Variants in MYO3B observed in about 807,000 individuals in gnomAD.
The protein encoded by MYO3B is myosin-IIIb.
MYO3B carries 156 observed loss-of-function variants against 174.6 expected under a neutral mutation model. The ratio of observed to expected loss-of-function variants is 0.89; its 90% confidence interval spans 0.78 to 1.02. The LOEUF (loss-of-function observed/expected upper bound fraction) is 1.02, where lower values mean the gene tolerates loss of function less well. Ranked by LOEUF, MYO3B falls within the 50% of genes least tolerant of loss-of-function variation. MYO3B has a pLI of 0.00. For missense variants in MYO3B, 1,632 were observed against 1,639.4 expected, an observed-to-expected ratio of 1.00 and a Z score of 0.08; for synonymous variants, 563 against 569.1, an observed-to-expected ratio of 0.99 and a Z score of 0.15.
chr2:170,507,691 C>T (rs1044960536), intron 28 of MYO3B, among the ~76,000 whole-genome samples: 1 of 152,140 alleles, frequency 6.6e-6, no homozygotes. Context: ...CTGTGCCTGG[C>T]CTGGGGCTGA....
At chr2:170,537,712 G>A (rs1689813150) in intron 30 of MYO3B, among the ~76,000 whole-genome samples, 1 of 152,004 alleles carries the variant, frequency 6.6e-6, no homozygotes, top group Admixed American at 6.5e-5. Context: ...CTCCCAAAGT[G>A]TTGGGATTAC....
intron 1 of MYO3B, among the ~76,000 whole-genome samples, chr2:170,186,656 T>C (rs965420009): frequency 1.3e-5 from 2 of 152,220 alleles, no homozygotes; most frequent in African/African-American, 2.4e-5. Flanking sequence ...TTGAAAGTAT[T>C]CCCTCCTCCT....
rs1305960044 is a variant in MYO3B, at chr2:170,289,993, T to C, written c.750-45392T>C. On this transcript the variant is annotated intron_variant, in intron 7 of 34. Transcript: ENST00000408978. ...AACACATTGTTTAATTTGTATGTGTTTGTGTGTTTTCCAAAGTTCCTCCTG... is the reference window on the plus strand; with the variant it reads ...AACACATTGTTTAATTTGTATGTGTCTGTGTGTTTTCCAAAGTTCCTCCTG... Among the ~76,000 whole-genome samples, 9 of 152,254 alleles carry C rather than the reference T, an allele frequency of 5.9e-5. No homozygotes were observed. In the South Asian group the frequency reaches 1.5e-3, roughly 25 times the overall value.
rs543327659 is a variant in MYO3B at position 170,506,658 on chromosome 2, A to G, written c.3370+4793A>G. Among the ~76,000 whole-genome samples the G allele has an allele frequency of 2.6e-5, 4 of 152,344 alleles. No individual in the cohort carries two copies. In the South Asian group the frequency reaches 8.3e-4, roughly 32 times the overall value. The stretch of plus-strand genomic sequence containing the variant: ...AAATCAAGTACTCTGTATTTTGCCA[A>G]CGCTCTTTGGAATGGAGCTCTGTAA... On this transcript the variant is annotated intron_variant, in intron 28 of 34. Coordinates refer to ENST00000408978, the MANE Select transcript of MYO3B (RefSeq NM_138995.5).
At chr2:170,200,083 A>G in intron 2 of MYO3B, 67 bp from the exon 3 acceptor site, 1 of 1,471,924 alleles carries the variant, frequency 6.8e-7, no homozygotes, top group Non-Finnish European at 9.2e-7. Flanking sequence ...CTTGAGCATG[A>G]TGTCATATCT....
At chr2:170,306,349 G>A (rs1223858197) in intron 7 of MYO3B, among the ~76,000 whole-genome samples, 6 of 152,204 alleles carry the variant, frequency 3.9e-5, no homozygotes, top group Non-Finnish European at 8.8e-5. Flanking sequence ...CTCTTAATGG[G>A]AAAAGTGTCA....
chr2:170,356,017 G>A lies in MYO3B; in HGVS notation c.816-13205G>A, dbSNP rs535900281. On this transcript the variant is annotated intron_variant, in intron 8 of 34. Coordinates refer to ENST00000408978, the MANE Select transcript of MYO3B (RefSeq NM_138995.5). ...CGCTGTGTCGCCCAGGTGGAGTGCA[G>A]TGGCGTGATCTCGGCTCACTGCAAG... Among the ~76,000 whole-genome samples the A allele has an allele frequency of 4.3e-4, 65 of 152,144 alleles. 1 individual carries two copies. The highest frequency in any genetic ancestry group is 6.8e-3 in the Middle Eastern group (2 of 294).
In MYO3B at chr2:170,236,110, T is replaced by C. The variant is rs779264558; in HGVS notation, c.723T>C (p.Pro241=). Residue 241 remains proline, a synonymous_variant, in exon 7 of 35, where the codon CCT becomes CCC. Transcript: ENST00000408978. ...DGDPPLFDMH[P]VKTLFKIPRN... is the part of the protein sequence containing the mutation. Reference sequence around the variant, plus strand: ...ACCCTCCCCTCTTTGACATGCATCCTGTGAAAACACTCTTTAAGATTCCAA... The same window carrying C: ...ACCCTCCCCTCTTTGACATGCATCCCGTGAAAACACTCTTTAAGATTCCAA... The C allele has an allele frequency of 6.2e-6, 10 of 1,614,212 alleles. No individual in the cohort carries two copies. The highest frequency in any genetic ancestry group is 8.5e-6 in the Non-Finnish European group (10 of 1,180,028).
intron 6 of MYO3B, among the ~76,000 whole-genome samples, chr2:170,232,185 A>G (rs1174875722): frequency 1.3e-5 from 2 of 152,238 alleles, no homozygotes; most frequent in Non-Finnish European, 2.9e-5. Flanking sequence ...CCATTCGACC[A>G]TCCAAGCATC....
chr2:170,620,573 C>T (rs937771231), intron 32 of MYO3B, among the ~76,000 whole-genome samples: 6 of 152,226 alleles, frequency 3.9e-5, no homozygotes, highest in African/African-American at 1.4e-4. Context: ...ATTCCCATGT[C>T]AGAGACAAAA....
intron 22 of MYO3B, among the ~76,000 whole-genome samples, chr2:170,414,853 TA>T (rs1357674121): frequency 6.6e-6 from 1 of 152,244 alleles, no homozygotes; most frequent in Non-Finnish European, 1.5e-5. Context: ...ATGGGTTTTT[TA>T]TTTTGATTTT....
intron 2 of MYO3B, 95 bp from the exon 3 acceptor site, chr2:170,200,055 C>T: frequency 4.2e-6 from 5 of 1,188,534 alleles, no homozygotes; most frequent in Non-Finnish European, 5.9e-6. Context: ...ATACATAGTA[C>T]ATATGTTTTA....
chr2:170,649,519 C>A (rs1451605581), intron 32 of MYO3B, among the ~76,000 whole-genome samples: 1 of 142,780 alleles, frequency 7.0e-6, no homozygotes, highest in Non-Finnish European at 1.5e-5. Flanking sequence ...AAAAACATTT[C>A]TTCTTAAGAA....
intron 32 of MYO3B, among the ~76,000 whole-genome samples, chr2:170,547,090 C>G (rs960623997): frequency 6.7e-6 from 1 of 150,230 alleles, no homozygotes; most frequent in East Asian, 1.9e-4. Flanking sequence ...GAGGCCGAGG[C>G]GGGCAGATCA....
chr2:170,333,215 C>T lies in MYO3B; in HGVS notation c.750-2170C>T, dbSNP rs117810801. Among the ~76,000 whole-genome samples the T allele has an allele frequency of 1.4e-3, 217 of 152,272 alleles. 7 individuals carry two copies. In the East Asian group the frequency reaches 0.04, roughly 28 times the overall value. The stretch of plus-strand genomic sequence containing the variant: ...AAAGATATAGCACCAAAGCTGCCCA[C>T]AGAGGTGAGCTGGCAGGGCATGTAA... On this transcript the variant is annotated intron_variant, in intron 7 of 34. Transcript: ENST00000408978.
intron 22 of MYO3B, among the ~76,000 whole-genome samples, chr2:170,413,519 A>G (rs989064111): frequency 3.3e-5 from 5 of 152,108 alleles, no homozygotes; most frequent in African/African-American, 1.2e-4. Context: ...AGGGTGAGAA[A>G]GGAAAACTTG....
At chr2:170,360,908 C>T (rs1470838563) in intron 8 of MYO3B, among the ~76,000 whole-genome samples, 4 of 152,302 alleles carry the variant, frequency 2.6e-5, no homozygotes, top group African/African-American at 4.8e-5. Context: ...AATTCTCAGC[C>T]GTCAGAACTG....
intron 7 of MYO3B, among the ~76,000 whole-genome samples, chr2:170,277,242 G>A (rs1437819222): frequency 2.0e-5 from 3 of 152,180 alleles, no homozygotes; most frequent in African/African-American, 4.8e-5. Context: ...CTGTACTAGT[G>A]ATTGTTATTG....
chr2:170,595,208 A>C (rs925177137), intron 32 of MYO3B, among the ~76,000 whole-genome samples: 1 of 152,174 alleles, frequency 6.6e-6, no homozygotes, highest in African/African-American at 2.4e-5. Context: ...GTACATGCCA[A>C]TCACACCAGG....
Sources: gnomAD v4.1 joint callset for allele counts (sites outside exome capture counted in the v4.1 genomes callset) on GRCh38, gnomAD v4.1.1 for gene constraint, MANE v1.5 for transcripts, NCBI Gene and HGNC (gene_info 2026-07-23, HGNC 2026-07-21) for gene names.